Variants in MME observed in about 807,000 individuals in gnomAD.
The protein encoded by MME is membrane metalloendopeptidase.
MME carries 98 observed loss-of-function variants against 113.2 expected under a neutral mutation model. The observed-to-expected ratio is 0.87, with a 90% CI of 0.74 to 1.02. The LOEUF is 1.02. Ranked by LOEUF, MME falls within the 50% of genes least tolerant of loss-of-function variation. The pLI, the probability that MME is intolerant of heterozygous loss-of-function variation, is 0.00. For synonymous variants in MME, 292 were observed against 300.6 expected (o/e 0.97, Z 0.30); for missense variants, 836 against 896.0 (o/e 0.93, Z 0.86).
At chr3:155,116,282 A>G (rs1322677077) in intron 4 of MME, among the ~76,000 whole-genome samples, 197 bp from the exon 5 acceptor site, 1 of 151,968 alleles carries the variant, frequency 6.6e-6, no homozygotes, top group African/African-American at 2.4e-5. Flanking sequence ...GCTAGGAATG[A>G]TAATCTGGTA....
intron 8 of MME, among the ~76,000 whole-genome samples, chr3:155,124,533 T>A (rs1022802085): frequency 2.6e-5 from 4 of 152,220 alleles, no homozygotes; most frequent in African/African-American, 9.7e-5. Flanking sequence ...TTCTGTTTTT[T>A]CCCCATCTTT....
intron 22 of MME, among the ~76,000 whole-genome samples, chr3:155,177,220 A>T (rs754320264): frequency 3.9e-5 from 6 of 152,334 alleles, no homozygotes; most frequent in Non-Finnish European, 7.3e-5. Context: ...TTTGGAAAAA[A>T]TTAATAAAAT....
At chr3:155,178,565 T>C (rs1712787901) in intron 22 of MME, among the ~76,000 whole-genome samples, 1 of 152,166 alleles carries the variant, frequency 6.6e-6, no homozygotes, top group Non-Finnish European at 1.5e-5. Flanking sequence ...CTGAGTCCTG[T>C]GCTGGACTTT....
intron 1 of MME, among the ~76,000 whole-genome samples, chr3:155,058,987 G>A (rs763809226): frequency 1.2e-4 from 19 of 152,100 alleles, no homozygotes; most frequent in Non-Finnish European, 2.5e-4. Flanking sequence ...GATTGGCCAG[G>A]TGTGGTGGCT....
chr3:155,061,178 C>A (rs1047961223), intron 1 of MME, among the ~76,000 whole-genome samples: 3 of 152,100 alleles, frequency 2.0e-5, no homozygotes, highest in African/African-American at 7.2e-5. Flanking sequence ...GCCGGGCGGG[C>A]GCGGTGGCTC....
chr3:155,172,272 AAGTT>A, intron 21 of MME, 60 bp downstream of exon 21: 1 of 1,164,996 alleles, frequency 8.6e-7, no homozygotes, highest in Non-Finnish European at 1.3e-6. Context: ...ATTTCACAGT[AAGTT>A]AGATGTCACA....
At chr3:155,094,568 A>G (rs1393302270) in intron 3 of MME, among the ~76,000 whole-genome samples, 3 of 152,222 alleles carry the variant, frequency 2.0e-5, no homozygotes, top group African/African-American at 7.2e-5. Context: ...CCAGAAACAG[A>G]GAGAAAGAAA....
In MME at chr3:155,168,769, AT is replaced by A; in HGVS notation, c.1953del (p.Asp651GlufsTer30). On this transcript the variant is annotated frameshift_variant, in exon 20 of 23. Transcript: ENST00000360490. LOFTEE classifies it high-confidence loss of function. ...AATACACTGGGAGAAAACATTGCTG[AT>A]AATGGAGGTCTTGGTCAAGCATACA... Reference protein sequence around the residue: ...GINTLGENIADNGGLGQAYRA... With the variant: ...GINTLGENIAXNGGLGQAYRA... The A allele has an allele frequency of 6.2e-7, 1 of 1,613,344 alleles. No homozygotes were observed. The highest frequency in any genetic ancestry group is 8.5e-7 in the Non-Finnish European group (1 of 1,179,438).
chr3:155,057,226 C>T (rs1713962904), intron 1 of MME, among the ~76,000 whole-genome samples: 1 of 152,034 alleles, frequency 6.6e-6, no homozygotes, highest in Non-Finnish European at 1.5e-5. Flanking sequence ...CCAGAATCTA[C>T]AATGAACTCA....
intron 8 of MME, 53 bp downstream of exon 8, chr3:155,118,864 C>T (rs1718854225): frequency 1.8e-6 from 2 of 1,137,670 alleles, no homozygotes; most frequent in African/African-American, 1.6e-5. Flanking sequence ...CTGGTGTAAA[C>T]CTACAAGTAA....
rs536216140 is a variant in MME, at chr3:155,138,741, A to G, written c.855+505A>G. Among the ~76,000 whole-genome samples, 5 of 152,248 alleles carry G rather than the reference A, an allele frequency of 3.3e-5. No homozygotes were observed. In the East Asian group the frequency reaches 9.7e-4, roughly 29 times the overall value. ...TGCTGAGCTGACGGAGGGTAAGACAATAATTTTGCAACAAAGCCCAAGGAG... is the reference window on the plus strand; with the variant it reads ...TGCTGAGCTGACGGAGGGTAAGACAGTAATTTTGCAACAAAGCCCAAGGAG... On this transcript the variant is annotated intron_variant, in intron 9 of 22. Coordinates refer to ENST00000360490, the MANE Select transcript of MME (RefSeq NM_007289.4).
At chr3:155,107,082 G>A (rs61763225) in intron 3 of MME, among the ~76,000 whole-genome samples, 17 of 152,208 alleles carry the variant, frequency 1.1e-4, no homozygotes, top group East Asian at 3.9e-4. Context: ...GGGACCGGGC[G>A]TGGTGGCTCA....
intron 1 of MME, among the ~76,000 whole-genome samples, chr3:155,026,787 A>T (rs1712801643): frequency 6.6e-6 from 1 of 152,094 alleles, no homozygotes; most frequent in Non-Finnish European, 1.5e-5. Context: ...TAATACCCTC[A>T]TCCAGCTATC....
At chr3:155,152,871 C>G (rs980442426) in intron 16 of MME, among the ~76,000 whole-genome samples, 1 of 151,758 alleles carries the variant, frequency 6.6e-6, no homozygotes, top group Non-Finnish European at 1.5e-5. Flanking sequence ...CACATCCAAA[C>G]ATTTCACTAT....
intron 1 of MME, among the ~76,000 whole-genome samples, chr3:155,070,621 G>T (rs901156568): frequency 6.6e-6 from 1 of 152,142 alleles, no homozygotes; most frequent in Non-Finnish European, 1.5e-5. Context: ...GAACATAAAA[G>T]TCTAAAATTT....
chr3:155,069,065 C>T (rs962831340), intron 1 of MME, among the ~76,000 whole-genome samples: 10 of 152,118 alleles, frequency 6.6e-5, no homozygotes, highest in African/African-American at 1.9e-4. Flanking sequence ...ATAGGTTTCA[C>T]GAGAGCATGG....
chr3:155,082,971 A>G (rs913808550), intron 1 of MME, among the ~76,000 whole-genome samples: 5 of 152,314 alleles, frequency 3.3e-5, no homozygotes, highest in Admixed American at 2.6e-4. Flanking sequence ...TTCTAAGAGC[A>G]ATTTGTATTG....
chr3:155,176,866 A>C (rs1357628950), intron 22 of MME, among the ~76,000 whole-genome samples: 1 of 152,122 alleles, frequency 6.6e-6, no homozygotes, highest in Non-Finnish European at 1.5e-5. Context: ...GATGTCATAA[A>C]CACCAAATGT....
At chr3:155,130,855 A>AT (rs11300412) in intron 8 of MME, among the ~76,000 whole-genome samples, 22 of 151,658 alleles carry the variant, frequency 1.5e-4, no homozygotes, top group East Asian at 9.7e-4. Flanking sequence ...ATTTAACTTC[A>AT]TTTTTTTTTA....
Sources: gnomAD v4.1 joint callset for allele counts (sites outside exome capture counted in the v4.1 genomes callset) on GRCh38, gnomAD v4.1.1 for gene constraint, MANE v1.5 for transcripts, NCBI Gene and HGNC (gene_info 2026-07-23, HGNC 2026-07-21) for gene names.